IRAG1: variants seen among roughly 807,000 people sequenced by gnomAD.
IRAG1 encodes IP3R-associated cGMP kinase substrate.
Under a neutral mutation model 106.2 loss-of-function variants are expected in IRAG1, and 62 were observed. The ratio of observed to expected loss-of-function variants is 0.58; its 90% CI spans 0.48 to 0.72. The LOEUF is 0.72. IRAG1 is among the 30% of genes least tolerant of loss of function. The probability of loss-of-function intolerance (pLI) is 0.00; values close to 1 mark genes in which losing one functional copy is unlikely to be tolerated. For missense variants in IRAG1, 1,064 were observed against 1,140.7 expected (o/e 0.93, Z 0.97); for synonymous variants, 462 against 443.9 (o/e 1.04, Z -0.51).
intron 8 of IRAG1, 83 bp from the exon 9 acceptor site, chr11:10,626,666 G>GC: frequency 6.9e-7 from 1 of 1,445,320 alleles, no homozygotes; most frequent in South Asian, 1.4e-5. Flanking sequence ...TGGAGTCTCT[G>GC]CCCCCACACA....
intron 1 of IRAG1, among the ~76,000 whole-genome samples, chr11:10,684,270 T>C (rs892247626): frequency 6.6e-6 from 1 of 152,184 alleles, no homozygotes; most frequent in Non-Finnish European, 1.5e-5. Flanking sequence ...TGGAATACTA[T>C]GCAGCCTTAA....
chr11:10,620,420 CAA>C (rs1855748148), intron 10 of IRAG1, among the ~76,000 whole-genome samples: 1 of 152,034 alleles, frequency 6.6e-6, no homozygotes, highest in Non-Finnish European at 1.5e-5. Context: ...TATAATGTAT[CAA>C]GTTTACATAT....
chr11:10,635,178 C>G (rs1279739476), intron 2 of IRAG1, among the ~76,000 whole-genome samples: 2 of 152,228 alleles, frequency 1.3e-5, no homozygotes, highest in African/African-American at 2.4e-5. Flanking sequence ...GTAACTTTGA[C>G]ATTTCAGTGA....
chr11:10,635,094 G>A (rs1404180229), intron 2 of IRAG1, among the ~76,000 whole-genome samples: 1 of 152,146 alleles, frequency 6.6e-6, no homozygotes, highest in East Asian at 1.9e-4. Flanking sequence ...GCCTGGCTGG[G>A]GAAGAATGAT....
chr11:10,597,594 C>T (rs747379148), intron 15 of IRAG1, among the ~76,000 whole-genome samples: 14 of 152,158 alleles, frequency 9.2e-5, no homozygotes, highest in South Asian at 2.1e-4. Flanking sequence ...TGGCCTCAAG[C>T]GATCCTTTCA....
rs1355307488 is a variant in IRAG1, at chr11:10,626,163, G to A, written c.1171C>T (p.Arg391Ter). Residue 391 changes from arginine to a stop codon, truncating the protein, a stop_gained, in exon 9 of 21, where the codon CGA (arginine) becomes TGA (stop). Transcript: ENST00000423302. LOFTEE classifies it high-confidence loss of function. ...PPTVSRPPLL[R>*]GLSWDSGPEE... ...GGGCCACTGTCCCAGGAGAGCCCTC[G>A]CAGCAGCGGGGGCCGGGACACAGTG... The A allele has an allele frequency of 1.3e-6, 2 of 1,539,396 alleles. No individual in the cohort carries two copies. Among genetic ancestry groups the A allele is most frequent in the Non-Finnish European group, 1.8e-6 (2 of 1,142,748 alleles).
chr11:10,626,815 G>A (rs1856280641), intron 8 of IRAG1, among the ~76,000 whole-genome samples: 1 of 152,232 alleles, frequency 6.6e-6, no homozygotes, highest in Admixed American at 6.5e-5. Context: ...AATTTCCCAA[G>A]GGATAGGAGC....
chr11:10,687,264 C>T (rs557355826), intron 1 of IRAG1, among the ~76,000 whole-genome samples: 1 of 152,110 alleles, frequency 6.6e-6, no homozygotes, highest in Admixed American at 6.5e-5. Flanking sequence ...ATAGTGGTAC[C>T]CCAGAGTGCC....
intron 2 of IRAG1, among the ~76,000 whole-genome samples, chr11:10,642,613 G>C (rs1182274090): frequency 6.6e-6 from 1 of 152,156 alleles, no homozygotes; most frequent in African/African-American, 2.4e-5. Flanking sequence ...GGTGACCTTG[G>C]GCAAGTTACT....
At chr11:10,578,417 A>T (rs2134057866) in intron 20 of IRAG1, among the ~76,000 whole-genome samples, 1 of 152,400 alleles carries the variant, frequency 6.6e-6, no homozygotes, top group South Asian at 2.1e-4. Flanking sequence ...AAGTTTATTT[A>T]AACTGATCCT....
At chr11:10,652,277 G>T (rs1412663051) in intron 1 of IRAG1, 95 bp from the exon 2 acceptor site, 2 of 1,555,228 alleles carry the variant, frequency 1.3e-6, no homozygotes, top group African/African-American at 2.7e-5. Flanking sequence ...GTGAGAGCCG[G>T]CTTGAGTTTG....
chr11:10,671,831 G>T (rs1366586365), intron 1 of IRAG1, among the ~76,000 whole-genome samples: 1 of 152,014 alleles, frequency 6.6e-6, no homozygotes, highest in East Asian at 1.9e-4. Context: ...AGAAATTAAA[G>T]CCCTAAATTG....
Position 10,628,761 on chromosome 11 carries a change from G to A in IRAG1, c.642C>T (p.Pro214=), listed in dbSNP as rs1023508898. ...GCAGCTGGGCCTCACCTGGCGGGGT[G>A]GGGACTGTAAGTGAGTTGCTCCGAG... ...TSSRSNSLTV[P]TPPGLDVCSG... The change falls in exon 6 of 21, where the codon CCC becomes CCT. Residue 214 remains proline, a synonymous_variant. Coordinates refer to ENST00000423302, the MANE Select transcript of IRAG1 (RefSeq NM_130385.4). This position sits in a 1 kb window ranked among gnomAD's most constrained non-coding sequence, Gnocchi z 4.1. 6.5e-6 allele frequency: 10 copies of A among 1,544,010 alleles called. No homozygotes were observed. Among genetic ancestry groups the A allele is most frequent in the South Asian group, 1.2e-5 (1 of 80,304 alleles).
At chr11:10,616,385 A>C (rs999780420) in intron 10 of IRAG1, among the ~76,000 whole-genome samples, 6 of 152,148 alleles carry the variant, frequency 3.9e-5, no homozygotes, top group Non-Finnish European at 8.8e-5. Flanking sequence ...ACATAGTGAC[A>C]GTGGTTGCCT....
chr11:10,605,448 C>CGGAG (rs139952384), intron 12 of IRAG1, among the ~76,000 whole-genome samples: 7,217 of 152,248 alleles, frequency 0.047, 360 homozygotes, highest in African/African-American at 0.13. Flanking sequence ...AAAACTACTC[C>CGGAG]TTATTGAGCA....
chr11:10,652,360 G>T, intron 1 of IRAG1, 178 bp from the exon 2 acceptor site: 1 of 1,431,890 alleles, frequency 7.0e-7, no homozygotes, highest in Non-Finnish European at 9.2e-7. Context: ...CTCTGGCTTT[G>T]TTTACAAAGT....
At chr11:10,580,676 G>A in intron 19 of IRAG1, 87 bp from the exon 20 acceptor site, 2 of 1,439,790 alleles carry the variant, frequency 1.4e-6, no homozygotes, top group South Asian at 2.7e-5. Flanking sequence ...GACTTGAGCA[G>A]CACCTCCAAT....
chr11:10,675,813 C>T, intron 1 of IRAG1, among the ~76,000 whole-genome samples: 1 of 152,162 alleles, frequency 6.6e-6, no homozygotes, highest in East Asian at 1.9e-4. Flanking sequence ...CTAAGTTTGT[C>T]TGCAATGAAT....
In IRAG1 at chr11:10,591,589, G is replaced by A. The variant is rs1852676496; in HGVS notation, c.2199C>T (p.Gly733=). ...PALSESPNGK[G]SLPVTSALPA... is the part of the protein sequence containing the mutation. ...GCAGTGCTGAAGTGACAGGTAGGCTGCCTTTCCCATTGGGTGATTCCGACT... is the reference window on the plus strand; with the variant it reads ...GCAGTGCTGAAGTGACAGGTAGGCTACCTTTCCCATTGGGTGATTCCGACT... Residue 733 remains glycine (G), a synonymous_variant, in exon 18 of 21, where the codon GGC becomes GGT. Coordinates refer to ENST00000423302, the MANE Select transcript of IRAG1 (RefSeq NM_130385.4). The A allele has an allele frequency of 6.3e-7, 1 of 1,597,498 alleles. No individual in the cohort carries two copies. Among genetic ancestry groups the A allele is most frequent in the Non-Finnish European group, 8.5e-7 (1 of 1,171,998 alleles).
Sources: gnomAD v4.1 joint callset for allele counts (sites outside exome capture counted in the v4.1 genomes callset) on GRCh38, gnomAD v4.1.1 for gene constraint, Gnocchi (gnomAD v3.1) non-coding constraint, MANE v1.5 for transcripts, NCBI Gene and HGNC (gene_info 2026-07-23, HGNC 2026-07-21) for gene names.